BBS9: variants seen among roughly 807,000 people sequenced by gnomAD.
BBS9 encodes protein PTHB1.
BBS9 carries 89 observed loss-of-function variants against 117.7 expected under a neutral mutation model. That is an observed-to-expected ratio of 0.76 (90% CI 0.64 to 0.90). BBS9 has a LOEUF of 0.90. BBS9 is among the 40% of genes least tolerant of loss of function. BBS9 has a pLI of 0.00. For synonymous variants in BBS9, 379 were observed against 370.9 expected (o/e 1.02, Z -0.25); for missense variants, 982 against 1,042.2 (o/e 0.94, Z 0.80).
intron 21 of BBS9, among the ~76,000 whole-genome samples, chr7:33,616,169 A>T (rs183881534): frequency 3.9e-4 from 59 of 150,438 alleles, no homozygotes; most frequent in Non-Finnish European, 7.8e-4. Context: ...ATTAGTTTTG[A>T]TTGATCTAAC....
chr7:33,177,747 G>T, intron 5 of BBS9, 156 bp downstream of exon 5: 2 of 656,538 alleles, frequency 3.0e-6, no homozygotes, highest in Non-Finnish European at 5.5e-6. Flanking sequence ...CAAGTCTATG[G>T]CCATACCACC....
chr7:33,313,036 G>GGTGTGTGT (rs5883397), intron 9 of BBS9, among the ~76,000 whole-genome samples: 17 of 147,948 alleles, frequency 1.1e-4, no homozygotes, highest in Middle Eastern at 3.3e-3. Context: ...TGTACTCTGT[G>GGTGTGTGT]GTGTGTGTGT....
Position 33,600,797 on chromosome 7 carries a change from G to C in BBS9, c.2522-4068G>C, listed in dbSNP as rs112583492. On this transcript the variant is annotated intron_variant, in intron 21 of 22. Transcript: ENST00000242067. ...GGTGCCCAGTCCTTCTGTGTCCCAT[G>C]CCTCCATCTCTGGATGATGTCTTGT... Among the ~76,000 whole-genome samples the C allele has an allele frequency of 5.2e-3, 797 of 152,278 alleles. 7 individuals carry two copies. Among genetic ancestry groups the C allele is most frequent in the African/African-American group, 0.019 (779 of 41,558 alleles).
chr7:33,204,214 G>T (rs2128215995), intron 5 of BBS9, among the ~76,000 whole-genome samples: 1 of 149,844 alleles, frequency 6.7e-6, no homozygotes, highest in East Asian at 2.1e-4. Flanking sequence ...AGACCAGTGT[G>T]GCCAACATGT....
At chr7:33,319,847 CA>C (rs1178951444) in intron 9 of BBS9, among the ~76,000 whole-genome samples, 1 of 152,040 alleles carries the variant, frequency 6.6e-6, no homozygotes, top group African/African-American at 2.4e-5. Flanking sequence ...ACAAGGAACT[CA>C]AACAAATTAG....
intron 9 of BBS9, among the ~76,000 whole-genome samples, chr7:33,298,130 C>T (rs1805639374): frequency 6.6e-6 from 1 of 151,902 alleles, no homozygotes; most frequent in African/African-American, 2.4e-5. Context: ...GGAATATTTT[C>T]ATTTTTTTTC....
At chr7:33,631,184 G>T (rs376080139) in intron 21 of BBS9, among the ~76,000 whole-genome samples, 1 of 152,174 alleles carries the variant, frequency 6.6e-6, no homozygotes, top group Non-Finnish European at 1.5e-5. Flanking sequence ...CGAAAAGGCC[G>T]TGTGTCTGGT....
chr7:33,589,369 T>C lies in BBS9; in HGVS notation c.2522-15496T>C, dbSNP rs532789495. On this transcript the variant is annotated intron_variant, in intron 21 of 22. Coordinates refer to ENST00000242067, the MANE Select transcript of BBS9 (RefSeq NM_198428.3). ...AAAACAGAGTGCAATTTAAAACTTG[T>C]GAATTATTTCTGGAATTTTTTATTT... Among the ~76,000 whole-genome samples the C allele has an allele frequency of 1.6e-4, 25 of 152,278 alleles. No homozygotes were observed. In the South Asian group the frequency reaches 5.2e-3, roughly 32 times the overall value.
intron 12 of BBS9, 110 bp from the exon 13 acceptor site, chr7:33,348,958 C>T: frequency 1.3e-6 from 1 of 746,306 alleles, no homozygotes; most frequent in Admixed American, 2.1e-5. Flanking sequence ...CTCATTTTTT[C>T]CTCAGGTAAT....
chr7:33,482,484 C>G, intron 19 of BBS9, among the ~76,000 whole-genome samples: 1 of 151,662 alleles, frequency 6.6e-6, no homozygotes, highest in East Asian at 1.9e-4. Flanking sequence ...AAGGATGGCT[C>G]AAAATAGGAA....
chr7:33,292,730 G>A (rs898741924), intron 9 of BBS9, among the ~76,000 whole-genome samples: 2 of 151,964 alleles, frequency 1.3e-5, no homozygotes, highest in Non-Finnish European at 1.5e-5. Context: ...AAAGTTGGCC[G>A]GGCACAGGGG....
intron 9 of BBS9, among the ~76,000 whole-genome samples, chr7:33,334,606 C>A (rs1814897940): frequency 6.6e-6 from 1 of 152,118 alleles, no homozygotes; most frequent in Admixed American, 6.6e-5. Flanking sequence ...AAGAAAGGTT[C>A]AAACCCAAAG....
intron 20 of BBS9, among the ~76,000 whole-genome samples, chr7:33,520,917 G>T (rs1848498455): frequency 6.6e-6 from 1 of 152,118 alleles, no homozygotes; most frequent in South Asian, 2.1e-4. Flanking sequence ...GGGAAATCTG[G>T]TCCAAGTGAT....
At chr7:33,511,558 A>G (rs1846970365) in intron 20 of BBS9, among the ~76,000 whole-genome samples, 1 of 152,148 alleles carries the variant, frequency 6.6e-6, no homozygotes, top group African/African-American at 2.4e-5. Flanking sequence ...TGAAGAAGGA[A>G]AGCTTTACTG....
chr7:33,406,687 C>T (rs1402765834), intron 19 of BBS9, among the ~76,000 whole-genome samples: 1 of 151,996 alleles, frequency 6.6e-6, no homozygotes, highest in African/African-American at 2.4e-5. Context: ...TTCTCCTTCA[C>T]TTATGAAGCT....
At chr7:33,391,743 T>A (rs1482148122) in intron 19 of BBS9, among the ~76,000 whole-genome samples, 1 of 152,214 alleles carries the variant, frequency 6.6e-6, no homozygotes, top group Non-Finnish European at 1.5e-5. Flanking sequence ...TATTGAGGGA[T>A]AATCTTTGGT....
At chr7:33,327,975 A>C (rs958659749) in intron 9 of BBS9, among the ~76,000 whole-genome samples, 1 of 152,126 alleles carries the variant, frequency 6.6e-6, no homozygotes, top group South Asian at 2.1e-4. Context: ...TCAGGAACTC[A>C]TGGGTAGCCA....
chr7:33,320,802 ATC>A (rs1811550227), intron 9 of BBS9, among the ~76,000 whole-genome samples: 1 of 151,996 alleles, frequency 6.6e-6, no homozygotes, highest in South Asian at 2.1e-4. Flanking sequence ...GTGGGATTAT[ATC>A]TCGTTGTAGT....
intron 5 of BBS9, among the ~76,000 whole-genome samples, chr7:33,207,609 C>G (rs576753758): frequency 3.0e-4 from 45 of 151,376 alleles, no homozygotes; most frequent in African/African-American, 1.0e-3. Flanking sequence ...TGATACCTAT[C>G]CTGCTGCAGC....
Sources: allele counts gnomAD v4.1 joint callset (sites outside exome capture counted in the v4.1 genomes callset), GRCh38; gene constraint gnomAD v4.1.1; transcripts MANE v1.5; gene names NCBI Gene and HGNC (gene_info 2026-07-23, HGNC 2026-07-21).